Variants in GPCPD1 observed in about 807,000 individuals in gnomAD.
GPCPD1 encodes glycerophosphocholine phosphodiesterase GPCPD1.
In GPCPD1, 29 loss-of-function variants were observed where a neutral mutation model predicts 89.2. The observed-to-expected ratio is 0.33, with a 90% confidence interval of 0.24 to 0.44. GPCPD1 has a LOEUF of 0.44. GPCPD1 is among the 20% of genes least tolerant of loss of function. GPCPD1 has a pLI of 1.00. For synonymous variants in GPCPD1, 258 were observed against 266.3 expected (o/e 0.97, Z 0.30); for missense variants, 594 against 808.9 (o/e 0.73, Z 3.22).
chr20:5,550,184 A>G (rs1985302163), intron 19 of GPCPD1, among the ~76,000 whole-genome samples: 1 of 151,212 alleles, frequency 6.6e-6, no homozygotes, highest in African/African-American at 2.4e-5. Flanking sequence ...ATAGAGTGAG[A>G]CTATCTCAAA....
chr20:5,598,333 G>A (rs770729376), intron 3 of GPCPD1, among the ~76,000 whole-genome samples: 3 of 152,138 alleles, frequency 2.0e-5, no homozygotes, highest in African/African-American at 4.8e-5. Flanking sequence ...TTCAGCCCAG[G>A]AGTTCAAGGC....
At chr20:5,585,878 T>C (rs1009506441) in intron 5 of GPCPD1, 7 of 229,592 alleles carry the variant, frequency 3.0e-5, no homozygotes, top group African/African-American at 1.1e-4. Flanking sequence ...AATAGAGCTA[T>C]GGATGCTCAG....
chr20:5,590,020 G>T (rs1158838152), intron 4 of GPCPD1, among the ~76,000 whole-genome samples: 1 of 152,084 alleles, frequency 6.6e-6, no homozygotes, highest in African/African-American at 2.4e-5. Flanking sequence ...AAGTCTTAAT[G>T]ATTGTTTTCT....
chr20:5,559,958 T>C lies in GPCPD1; in HGVS notation c.1514A>G (p.Asp505Gly). The C allele has an allele frequency of 4.5e-6, 7 of 1,548,920 alleles. No homozygotes were observed. Among genetic ancestry groups the C allele is most frequent in the Non-Finnish European group, 6.1e-6 (7 of 1,141,086 alleles). Residue 505 changes from aspartate to glycine, a missense_variant, in exon 17 of 20, where the codon GAT (aspartate) becomes GGT (glycine). By Grantham distance (94) the Asp-to-Gly change is moderately conservative. Coordinates refer to ENST00000379019, the MANE Select transcript of GPCPD1 (RefSeq NM_019593.5). ...TACTCACATTGTGCAAATATCTGCA[T>C]CAAATGAAGAAAACACTATTCTCCT... ...GKRRIVFSSF[D>G]ADICTMVRQK...
chr20:5,584,075 G>A (rs1378512110), intron 6 of GPCPD1, among the ~76,000 whole-genome samples: 1 of 152,142 alleles, frequency 6.6e-6, no homozygotes, highest in African/African-American at 2.4e-5. Context: ...CGATTTCATT[G>A]TTGTTTGTGT....
chr20:5,575,884 T>C lies in GPCPD1; in HGVS notation c.800A>G (p.Lys267Arg). ...LLSSTIAESG[K>R]SAGILTLPIM... is the part of the protein sequence containing the mutation. ...GGGAAGAGTAAGAATTCCAGCACTC[T>C]TTCCACTCTCAGCAATGGTGGATGA... The change falls in exon 9 of 20, where the codon AAG becomes AGG. Residue 267 changes from lysine to arginine, a missense_variant. Transcript: ENST00000379019. 1 of 1,608,446 alleles carries C rather than the reference T, an allele frequency of 6.2e-7. No individual in the cohort carries two copies. Among genetic ancestry groups the C allele is most frequent in the Non-Finnish European group, 8.5e-7 (1 of 1,175,122 alleles).
chr20:5,553,614 A>G (rs1333670648), intron 19 of GPCPD1, among the ~76,000 whole-genome samples: 1 of 152,234 alleles, frequency 6.6e-6, no homozygotes, highest in East Asian at 1.9e-4. Flanking sequence ...TGAAAGTGCT[A>G]CTACAGTGAA....
In GPCPD1 at chr20:5,565,434, G is replaced by A. The variant is rs1348116914; in HGVS notation, c.1268-356C>T. On this transcript the variant is annotated intron_variant, in intron 14 of 19. Transcript: ENST00000379019. ...TTTTTTGTAGAAATGAGGTCTAGTT[G>A]CTCAGGCTGATCTTGAACTCCTGGC... Among the ~76,000 whole-genome samples the A allele has an allele frequency of 2.6e-5, 4 of 151,932 alleles. No individual in the cohort carries two copies. The East Asian group carries it at 7.7e-4, about 29-fold the overall frequency.
chr20:5,586,384 ATCT>A, intron 4 of GPCPD1, 115 bp from the exon 5 acceptor site: 1 of 613,888 alleles, frequency 1.6e-6, no homozygotes, highest in Non-Finnish European at 3.0e-6. Context: ...CAAAAGATTC[ATCT>A]TATTATCAAT....
chr20:5,575,525 G>A lies in GPCPD1; in HGVS notation c.889C>T (p.Pro297Ser), dbSNP rs1168242757. Residue 297 changes from proline to serine, a missense_variant, in exon 10 of 20, where the codon CCA (proline) becomes TCA (serine). Pro to Ser is a moderately conservative substitution (Grantham distance 74, BLOSUM62 -1). Coordinates refer to ENST00000379019, the MANE Select transcript of GPCPD1 (RefSeq NM_019593.5). ...ATGTCACAACTGTATCCTGGTAATG[G>A]CTTAATAATTATATAGTCAACTTTC... ...KVRVDYIIIK[P>S]LPGYSCDMKS... 2.5e-6 allele frequency: 4 copies of A among 1,580,452 alleles called. No individual in the cohort carries two copies. The highest frequency in any genetic ancestry group is 3.5e-6 in the Non-Finnish European group (4 of 1,152,244).
At chr20:5,606,477 C>A (rs1479770716) in intron 1 of GPCPD1, among the ~76,000 whole-genome samples, 1 of 152,168 alleles carries the variant, frequency 6.6e-6, no homozygotes, top group Non-Finnish European at 1.5e-5. Context: ...CTCCCTTCCC[C>A]TCCCCCTGAA....
At position 5,600,278 on chromosome 20, in the gene GPCPD1, G is replaced by A. The variant is rs1194635146; in HGVS notation, c.50-1457C>T. Among the ~76,000 whole-genome samples, 7 of 152,370 alleles carry A rather than the reference G, an allele frequency of 4.6e-5. No individual in the cohort carries two copies. The South Asian group carries it at 8.3e-4, about 18-fold the overall frequency. ...TCAGGGCTCTAAATACATGTGGGCC[G>A]GGCGCAGTGGCCCATGCCTGTAATC... On this transcript the variant is annotated intron_variant, in intron 2 of 19. Coordinates refer to ENST00000379019, the MANE Select transcript of GPCPD1 (RefSeq NM_019593.5).
intron 11 of GPCPD1, among the ~76,000 whole-genome samples, chr20:5,570,901 T>G (rs1019745914): frequency 1.3e-5 from 2 of 152,040 alleles, no homozygotes; most frequent in African/African-American, 2.4e-5. Context: ...GGAGCAGGAC[T>G]GAAATTAATT....
rs1280937932 is a variant in GPCPD1 at position 5,578,446 on chromosome 20, A to G, written c.639T>C (p.Arg213=). The stretch of plus-strand genomic sequence containing the variant: ...TCGTCTGTATGCTGTACTCTGTCCA[A>G]CGATCAGGCTGCAAGCCATAACCAC... ...PECGYGLQPD[R]WTEYSIQTME... Residue 213 remains arginine, a synonymous_variant, in exon 8 of 20, where the codon CGT becomes CGC. Transcript: ENST00000379019. 1 of 1,614,026 alleles carries G rather than the reference A, an allele frequency of 6.2e-7. No homozygotes were observed. The highest frequency in any genetic ancestry group is 1.3e-5 in the African/African-American group (1 of 74,940).
chr20:5,582,882 C>T (rs1262634570), intron 6 of GPCPD1, among the ~76,000 whole-genome samples: 1 of 149,814 alleles, frequency 6.7e-6, no homozygotes, highest in African/African-American at 2.5e-5. Context: ...GAGCAAGACT[C>T]CATCTCAAAA....
chr20:5,597,953 C>A (rs1979847274), intron 3 of GPCPD1, among the ~76,000 whole-genome samples: 1 of 152,040 alleles, frequency 6.6e-6, no homozygotes, highest in Non-Finnish European at 1.5e-5. Flanking sequence ...CAAGGAAATA[C>A]TTTTATAGGC....
In GPCPD1 at chr20:5,561,523, TCTAAAACCTA is replaced by T; in HGVS notation, c.1330-3_1336del. The T allele has an allele frequency of 6.3e-7, 1 of 1,591,360 alleles. No individual in the cohort carries two copies. The highest frequency in any genetic ancestry group is 8.6e-7 in the Non-Finnish European group (1 of 1,161,184). ...AAACCCTACATCTTCTGGCAAAGAC[TCTAAAACCTA>T]CAGTTTTGTTTGTTGGTAAATTTTG... On this transcript the variant is annotated splice_acceptor_variant and splice_polypyrimidine_tract_variant and coding_sequence_variant and intron_variant, in exon 16 of 20. Transcript: ENST00000379019. LOFTEE classifies it high-confidence loss of function.
chr20:5,587,474 T>A (rs1206175484), intron 4 of GPCPD1, among the ~76,000 whole-genome samples: 1 of 151,978 alleles, frequency 6.6e-6, no homozygotes, highest in African/African-American at 2.4e-5. Flanking sequence ...TTCAAGTGAT[T>A]CCCCTGCCTC....
Position 5,546,765 on chromosome 20 carries a change from T to C in GPCPD1, c.*896A>G, listed in dbSNP as rs1985047499. 1 of 152,156 alleles carries C rather than the reference T, an allele frequency of 6.6e-6. No homozygotes were observed. 9.4% of individuals were successfully genotyped at this position (152,156 alleles called of 1,614,324 possible). The stretch of plus-strand genomic sequence containing the variant: ...TAGTGAGAGACACACAAAATAAGCA[T>C]ATTTAAAACGCCTACAAACAGCCTT... On this transcript the variant is annotated 3_prime_UTR_variant, in exon 20 of 20. Coordinates refer to ENST00000379019, the MANE Select transcript of GPCPD1 (RefSeq NM_019593.5).
Sources: allele counts gnomAD v4.1 joint callset (sites outside exome capture counted in the v4.1 genomes callset), GRCh38; gene constraint gnomAD v4.1.1; transcripts MANE v1.5; gene names NCBI Gene and HGNC (gene_info 2026-07-23, HGNC 2026-07-21).